Variants in AKT3 observed in about 807,000 individuals in gnomAD.
AKT3 encodes the protein AKT serine/threonine kinase 3, also known as RAC-gamma serine/threonine-protein kinase.
In AKT3, 15 loss-of-function variants were observed where a neutral mutation model predicts 65.3. The ratio of observed to expected loss-of-function variants is 0.23; its 90% confidence interval spans 0.15 to 0.35. The LOEUF is 0.35. Ranked by LOEUF, AKT3 falls within the 10% of genes least tolerant of loss-of-function variation. AKT3 has a pLI of 1.00. For synonymous variants in AKT3, 206 were observed against 183.8 expected (o/e 1.12, Z -0.98); for missense variants, 243 against 576.5 (o/e 0.42, Z 5.92).
chr1:243,691,694 T>C lies in AKT3; in HGVS notation c.172+3897A>G, dbSNP rs139506959. Reference sequence around the variant, plus strand: ...CAGATACTGAGTACAAAGGAAGAAATAGACAAAATTATCTTGAGTTTATCT... The same window carrying C: ...CAGATACTGAGTACAAAGGAAGAAACAGACAAAATTATCTTGAGTTTATCT... On this transcript the variant is annotated intron_variant, in intron 3 of 13. Transcript: ENST00000673466. 7.2e-5 allele frequency among the ~76,000 whole-genome samples: 11 copies of C among 152,184 alleles called. No individual in the cohort carries two copies. The East Asian group carries it at 7.7e-4, about 11-fold the overall frequency.
chr1:243,637,531 T>G, intron 6 of AKT3, 80 bp downstream of exon 6: 1 of 1,235,354 alleles, frequency 8.1e-7, no homozygotes, highest in African/African-American at 1.5e-5. Context: ...TTGCATACAT[T>G]AGCATGTAAA....
intron 12 of AKT3, among the ~76,000 whole-genome samples, chr1:243,517,566 C>T (rs1486011631): frequency 6.6e-6 from 1 of 152,168 alleles, no homozygotes; most frequent in Non-Finnish European, 1.5e-5. Flanking sequence ...TCCTTATCTC[C>T]AGCAATATTA....
chr1:243,535,632 G>A (rs544575952), intron 12 of AKT3, among the ~76,000 whole-genome samples: 4 of 152,272 alleles, frequency 2.6e-5, no homozygotes, highest in Non-Finnish European at 4.4e-5. Flanking sequence ...ATTGGCTGAT[G>A]AGGACTTAGG....
At chr1:243,549,652 C>T (rs369304677) in intron 11 of AKT3, among the ~76,000 whole-genome samples, 4 of 151,902 alleles carry the variant, frequency 2.6e-5, no homozygotes, top group East Asian at 1.9e-4. Context: ...CTTGAACTCC[C>T]GACCTCAAGT....
chr1:243,573,386 G>T (rs1574632773), intron 8 of AKT3, among the ~76,000 whole-genome samples: 1 of 152,030 alleles, frequency 6.6e-6, no homozygotes, highest in East Asian at 1.9e-4. Context: ...CAAGGATTAG[G>T]TATTGAGATA....
intron 12 of AKT3, among the ~76,000 whole-genome samples, chr1:243,534,519 T>G: frequency 6.6e-6 from 1 of 152,228 alleles, no homozygotes; most frequent in East Asian, 1.9e-4. Flanking sequence ...ATCAACATTA[T>G]GGAATATTTT....
chr1:243,718,038 G>A (rs1043774780), intron 2 of AKT3, among the ~76,000 whole-genome samples: 8 of 152,184 alleles, frequency 5.3e-5, no homozygotes, highest in African/African-American at 1.9e-4. Flanking sequence ...TAAGGTCAAA[G>A]AAGAGAGCTA....
In AKT3 at chr1:243,532,277, C is replaced by T. The variant is rs57735899; in HGVS notation, c.1251+13233G>A. 9.3e-3 allele frequency among the ~76,000 whole-genome samples: 1,420 copies of T among 152,246 alleles called. 27 individuals carry two copies. The highest frequency in any genetic ancestry group is 0.033 in the African/African-American group (1,373 of 41,532). ...ACTATAGAAATGATCCCTTAAAGGA[C>T]AGTCTTTCCAAGAATTTTTCATATA... On this transcript the variant is annotated intron_variant, in intron 12 of 13. Transcript: ENST00000673466.
At chr1:243,512,203 G>A (rs1361639403) in intron 13 of AKT3, 121 bp downstream of exon 13, 10 of 576,194 alleles carry the variant, frequency 1.7e-5, no homozygotes, top group Non-Finnish European at 3.0e-5. Flanking sequence ...ATAGAATGGA[G>A]TAAGTCACTG....
chr1:243,775,374 G>A (rs1200023932), intron 2 of AKT3, among the ~76,000 whole-genome samples: 1 of 152,104 alleles, frequency 6.6e-6, no homozygotes, highest in Non-Finnish European at 1.5e-5. Flanking sequence ...TAGAGATGGG[G>A]TTTTACCTTA....
At chr1:243,668,600 A>G (rs1682960889) in intron 3 of AKT3, among the ~76,000 whole-genome samples, 1 of 152,206 alleles carries the variant, frequency 6.6e-6, no homozygotes, top group South Asian at 2.1e-4. Context: ...ATGAAGGACC[A>G]ACCTGAATTT....
intron 2 of AKT3, among the ~76,000 whole-genome samples, chr1:243,781,147 C>G (rs932190869): frequency 2.0e-5 from 3 of 151,938 alleles, no homozygotes; most frequent in Non-Finnish European, 4.4e-5. Context: ...ATATAATTTT[C>G]TTTATAAACA....
chr1:243,664,275 C>T (rs935136928), intron 4 of AKT3, among the ~76,000 whole-genome samples: 1 of 132,264 alleles, frequency 7.6e-6, no homozygotes, highest in Non-Finnish European at 1.5e-5. Context: ...CGGCTCACTG[C>T]AAGCTCCACC....
At chr1:243,683,120 G>A (rs1684040421) in intron 3 of AKT3, among the ~76,000 whole-genome samples, 1 of 152,144 alleles carries the variant, frequency 6.6e-6, no homozygotes, top group Non-Finnish European at 1.5e-5. Flanking sequence ...TGTGGGCTCT[G>A]CCATTTGCCA....
chr1:243,492,604 G>GTT (rs74162289), intron 13 of AKT3, among the ~76,000 whole-genome samples: 3,412 of 58,716 alleles, frequency 0.058, 155 homozygotes, highest in Non-Finnish European at 0.077. Context: ...GCGCCCAGCT[G>GTT]TTTTTTTTTT....
chr1:243,670,019 T>C (rs320319), intron 3 of AKT3, among the ~76,000 whole-genome samples: 7,307 of 152,222 alleles, frequency 0.048, 589 homozygotes, highest in African/African-American at 0.16. Context: ...TAGGAAACTC[T>C]ATGAGCTCAT....
intron 2 of AKT3, among the ~76,000 whole-genome samples, chr1:243,826,500 C>A (rs1273170050): frequency 6.6e-6 from 1 of 152,160 alleles, no homozygotes; most frequent in Non-Finnish European, 1.5e-5. Flanking sequence ...TAGCGAGCTT[C>A]GGAGAAAGCT....
intron 2 of AKT3, among the ~76,000 whole-genome samples, chr1:243,755,855 T>C (rs754190128): frequency 2.6e-5 from 4 of 152,168 alleles, no homozygotes; most frequent in Non-Finnish European, 5.9e-5. Context: ...TGCATTAAAA[T>C]GTGAAGGCCT....
At chr1:243,537,124 C>A (rs1671991610) in intron 12 of AKT3, among the ~76,000 whole-genome samples, 1 of 152,220 alleles carries the variant, frequency 6.6e-6, no homozygotes, top group South Asian at 2.1e-4. Flanking sequence ...GATCTTGATA[C>A]ACCTTGCAAA....
Sources: gnomAD v4.1 joint callset for allele counts (sites outside exome capture counted in the v4.1 genomes callset) on GRCh38, gnomAD v4.1.1 for gene constraint, MANE v1.5 for transcripts, NCBI Gene and HGNC (gene_info 2026-07-23, HGNC 2026-07-21) for gene names.